DNAAF4: variants seen among roughly 807,000 people sequenced by gnomAD.
DNAAF4 encodes the protein dynein axonemal assembly factor 4, also known as dynein assembly factor 4, axonemal.
In DNAAF4, 43 loss-of-function variants were observed where a neutral mutation model predicts 51.8. The ratio of observed to expected loss-of-function variants is 0.83; its 90% CI spans 0.65 to 1.07. The LOEUF (loss-of-function observed/expected upper bound fraction) is 1.07, where lower values mean the gene tolerates loss of function less well. Ranked by LOEUF, DNAAF4 falls within the 50% of genes least tolerant of loss-of-function variation. The pLI, the probability that DNAAF4 is intolerant of heterozygous loss-of-function variation, is 0.00. For synonymous variants in DNAAF4, 194 were observed against 165.6 expected (o/e 1.17, Z -1.32); for missense variants, 581 against 493.0 (o/e 1.18, Z -1.69).
intron 7 of DNAAF4, among the ~76,000 whole-genome samples, chr15:55,419,060 G>T (rs1297928984): frequency 6.6e-6 from 1 of 151,912 alleles, no homozygotes. Flanking sequence ...GGGATTACAG[G>T]CACTCGCCAC....
At chr15:55,422,519 G>C (rs1486943740) in intron 7 of DNAAF4, among the ~76,000 whole-genome samples, 1 of 152,122 alleles carries the variant, frequency 6.6e-6, no homozygotes, top group Non-Finnish European at 1.5e-5. Flanking sequence ...AAACAAATGA[G>C]ACCAAGAAGG....
At chr15:55,425,499 A>C (rs1445722115), downstream of DNAAF4, among the ~76,000 whole-genome samples, 2 of 152,042 alleles carry the variant, frequency 1.3e-5, no homozygotes, top group African/African-American at 4.8e-5. Context: ...TTTTATTCTC[A>C]GGCCTCACAG....
At chr15:55,420,091 T>C (rs2057375847) in intron 7 of DNAAF4, among the ~76,000 whole-genome samples, 1 of 152,174 alleles carries the variant, frequency 6.6e-6, no homozygotes, top group South Asian at 2.1e-4. Context: ...GTAGGCAGTA[T>C]GCACAGGCCT....
intron 5 of DNAAF4, 119 bp downstream of exon 5, chr15:55,466,811 T>G: frequency 8.0e-7 from 1 of 1,255,130 alleles, no homozygotes; most frequent in South Asian, 1.5e-5. Flanking sequence ...ACTGAATTGC[T>G]TATTCTCAAT....
chr15:55,433,950 A>ATATTTTATGTAATATATTATAATAT (rs1555413855), intron 8 of DNAAF4, among the ~76,000 whole-genome samples: 1 of 33,172 alleles, frequency 3.0e-5, no homozygotes, highest in Non-Finnish European at 6.1e-5. Flanking sequence ...TATATAATAT[A>ATATTTTATGTAATATATTATAATAT]TATAATATAT....
At chr15:55,475,324 G>T (rs985885751) in intron 4 of DNAAF4, among the ~76,000 whole-genome samples, 1 of 152,150 alleles carries the variant, frequency 6.6e-6, no homozygotes. Flanking sequence ...CATTTCAGGG[G>T]ACTGGAAATT....
intron 7 of DNAAF4, among the ~76,000 whole-genome samples, chr15:55,436,951 G>A (rs942846771): frequency 2.6e-5 from 4 of 152,142 alleles, no homozygotes; most frequent in African/African-American, 9.7e-5. Flanking sequence ...CTCCCGAGTA[G>A]CTGGGATTAC....
rs1373224130 is a variant in DNAAF4, at chr15:55,487,371, C to CACCAATCAGCACTCTGTAAAATGG, written c.405+3728_405+3751dup. Among the ~76,000 whole-genome samples the CACCAATCAGCACTCTGTAAAATGG allele has an allele frequency of 1.2e-3, 177 of 152,108 alleles. 6 individuals are homozygous for CACCAATCAGCACTCTGTAAAATGG. The East Asian group carries it at 0.026, about 22-fold the overall frequency. On this transcript the variant is annotated intron_variant, in intron 4 of 9. Coordinates refer to ENST00000321149, the MANE Select transcript of DNAAF4 (RefSeq NM_130810.4). ...GTGTTTAGCTTAACAATTGTAAACGCACCAATCAGCACTCTGTAAAATGGA... is the reference window on the plus strand; with the variant it reads ...GTGTTTAGCTTAACAATTGTAAACGCACCAATCAGCACTCTGTAAAATGGACCAATCAGCACTCTGTAAAATGGA...
chr15:55,487,095 G>A (rs1040468062), intron 4 of DNAAF4, among the ~76,000 whole-genome samples: 4 of 152,202 alleles, frequency 2.6e-5, no homozygotes, highest in Non-Finnish European at 5.9e-5. Context: ...ATCTTAGTGA[G>A]AGGTGAAGCC....
At chr15:55,455,398 A>ATATG (rs1254038607) in intron 5 of DNAAF4, among the ~76,000 whole-genome samples, 1 of 133,058 alleles carries the variant, frequency 7.5e-6, no homozygotes, top group Non-Finnish European at 1.5e-5. Context: ...ATATATATAT[A>ATATG]TATATATATA....
chr15:55,459,937 C>T lies in DNAAF4; in HGVS notation c.637+6993G>A, dbSNP rs550010545. On this transcript the variant is annotated intron_variant, in intron 5 of 9. Coordinates refer to ENST00000321149, the MANE Select transcript of DNAAF4 (RefSeq NM_130810.4). ...CTGGCTGGTCTCAAACTCCTGACCT[C>T]GTAATCTGCCCGCCTCGGCCTCCCA... Among the ~76,000 whole-genome samples the T allele has an allele frequency of 2.6e-5, 4 of 152,002 alleles. No individual in the cohort carries two copies. The East Asian group carries it at 5.8e-4, about 22-fold the overall frequency.
intron 6 of DNAAF4, among the ~76,000 whole-genome samples, chr15:55,442,311 G>A (rs1011738367): frequency 1.3e-5 from 2 of 152,154 alleles, no homozygotes; most frequent in Non-Finnish European, 2.9e-5. Context: ...TAGAGACGGG[G>A]TTTCATCGTG....
chr15:55,448,450 T>C (rs1471113834), intron 6 of DNAAF4, among the ~76,000 whole-genome samples: 1 of 138,320 alleles, frequency 7.2e-6, no homozygotes, highest in Non-Finnish European at 1.5e-5. Flanking sequence ...CAGTGAGCCA[T>C]GATTGTCCCA....
intron 4 of DNAAF4, among the ~76,000 whole-genome samples, chr15:55,485,669 G>A (rs1348085774): frequency 6.6e-6 from 1 of 152,060 alleles, no homozygotes; most frequent in East Asian, 1.9e-4. Flanking sequence ...ATAGAAGTGG[G>A]TAATGTACAG....
Sources: allele counts gnomAD v4.1 joint callset (sites outside exome capture counted in the v4.1 genomes callset), GRCh38; gene constraint gnomAD v4.1.1; transcripts MANE v1.5; gene names NCBI Gene and HGNC (gene_info 2026-07-23, HGNC 2026-07-21).